Variants in ZFHX3 observed in about 807,000 individuals in gnomAD.
ZFHX3 encodes the protein zinc finger homeobox 3.
Under a neutral mutation model 279.1 loss-of-function variants are expected in ZFHX3, and 42 were observed. The ratio of observed to expected loss-of-function variants is 0.15; its 90% CI spans 0.12 to 0.19. The LOEUF (loss-of-function observed/expected upper bound fraction) is 0.19. Among genes scored for constraint, ZFHX3 ranks in the 10% least tolerant of loss-of-function variants. ZFHX3 has a pLI of 1.00. For missense variants in ZFHX3, 4,981 were observed against 4,754.0 expected (o/e 1.05, Z -1.40); for synonymous variants, 2,293 against 1,957.8 (o/e 1.17, Z -4.52).
intron 3 of ZFHX3, among the ~76,000 whole-genome samples, chr16:72,933,186 C>T (rs1210906288): frequency 2.0e-5 from 3 of 152,154 alleles, no homozygotes; most frequent in East Asian, 3.8e-4. Flanking sequence ...TGGCCTCTCC[C>T]GCAGTAGCTT....
intron 3 of ZFHX3, among the ~76,000 whole-genome samples, chr16:73,324,102 G>T (rs2015632777): frequency 1.3e-5 from 2 of 152,226 alleles, no homozygotes; most frequent in South Asian, 4.1e-4. Flanking sequence ...TTTGAGCTGG[G>T]CATGTAGCCA....
At chr16:73,449,263 T>G (rs2018243465) in intron 3 of ZFHX3, among the ~76,000 whole-genome samples, 1 of 152,244 alleles carries the variant, frequency 6.6e-6, no homozygotes, top group African/African-American at 2.4e-5. Context: ...TTATTTTTAT[T>G]TTATTTTCTA....
At chr16:73,220,727 G>A (rs1466175455) in intron 5 of ZFHX3, among the ~76,000 whole-genome samples, 5 of 152,050 alleles carry the variant, frequency 3.3e-5, no homozygotes. Flanking sequence ...AGGGTCTGTG[G>A]GGCTGTGTTC....
At chr16:73,499,329 G>A (rs2019195691) in intron 2 of ZFHX3, 1 of 152,210 alleles carries the variant, frequency 6.6e-6, no homozygotes, top group Admixed American at 6.5e-5. Flanking sequence ...TCCGCGTGAT[G>A]GGGACGTGAG....
intron 7 of ZFHX3, among the ~76,000 whole-genome samples, chr16:72,803,272 C>CA: frequency 6.6e-6 from 1 of 152,246 alleles, no homozygotes; most frequent in Admixed American, 6.5e-5. Flanking sequence ...GCAGAGGTTG[C>CA]AGTGAGCTGA....
At chr16:73,686,543 TAAGGAA>T (rs1340679100) in intron 1 of ZFHX3, among the ~76,000 whole-genome samples, 2 of 152,226 alleles carry the variant, frequency 1.3e-5, no homozygotes, top group Non-Finnish European at 2.9e-5. Context: ...CTCTGAATGT[TAAGGAA>T]ACTCATGCTC....
intron 3 of ZFHX3, among the ~76,000 whole-genome samples, chr16:73,433,764 C>T (rs1009583826): frequency 6.6e-6 from 1 of 152,198 alleles, no homozygotes; most frequent in South Asian, 2.1e-4. Context: ...GGGGAGTGAG[C>T]CTGCAGCGGC....
At chr16:72,926,481 CCCTTGTGGAAGTTACCAGT>C (rs901613883) in intron 3 of ZFHX3, among the ~76,000 whole-genome samples, 4 of 152,156 alleles carry the variant, frequency 2.6e-5, no homozygotes, top group Non-Finnish European at 5.9e-5. Context: ...CATATTCGGG[CCCTTGTGGAAGTTACCAGT>C]CCTTTCTCAA....
At chr16:73,065,976 GT>G (rs1965746541) in intron 8 of ZFHX3, among the ~76,000 whole-genome samples, 1 of 152,230 alleles carries the variant, frequency 6.6e-6, no homozygotes, top group Admixed American at 6.5e-5. Context: ...GTTAAGGCTG[GT>G]GAGTGCAGGG....
At chr16:73,431,886 T>TG (rs1339961742) in intron 3 of ZFHX3, among the ~76,000 whole-genome samples, 6 of 152,152 alleles carry the variant, frequency 3.9e-5, no homozygotes, top group African/African-American at 1.4e-4. Context: ...TCTCTGTGTC[T>TG]GGAGAAGCAA....
At chr16:73,392,865 C>T (rs11643180) in intron 3 of ZFHX3, among the ~76,000 whole-genome samples, 87,464 of 151,870 alleles carry the variant, frequency 0.58, 26,338 homozygotes, top group Non-Finnish European at 0.68. Context: ...GAGACAGTCT[C>T]ACTCTGTTGC....
chr16:72,882,982 GTGTGTGTGTGTGTGTGTGTGTGT>G (rs2038526722), intron 4 of ZFHX3, among the ~76,000 whole-genome samples: 48 of 20,816 alleles, frequency 2.3e-3, no homozygotes, highest in African/African-American at 4.2e-3. Flanking sequence ...TCTGGGGTGT[GTGTGTGTGTGTGTGTGTGTGTGT>G]GTGTGTGTGT....
chr16:73,777,508 CAAAAAAAAAAA>C (rs34744186), intron 1 of ZFHX3, among the ~76,000 whole-genome samples: 4 of 62,652 alleles, frequency 6.4e-5, no homozygotes, highest in East Asian at 6.4e-4. Flanking sequence ...GACTCTGTCT[CAAAAAAAAAAA>C]AAAAAAAAAA....
At chr16:73,446,592 C>T (rs1567486965) in intron 3 of ZFHX3, among the ~76,000 whole-genome samples, 1 of 152,134 alleles carries the variant, frequency 6.6e-6, no homozygotes, top group African/African-American at 2.4e-5. Context: ...AATACAGAGC[C>T]AGACCATATC....
At chr16:73,374,579 A>T (rs2016689784) in intron 3 of ZFHX3, among the ~76,000 whole-genome samples, 1 of 152,260 alleles carries the variant, frequency 6.6e-6, no homozygotes, top group Non-Finnish European at 1.5e-5. Context: ...TCGAACATCC[A>T]GGCAATATTC....
chr16:73,695,248 T>TTC (rs1015857448), intron 1 of ZFHX3, among the ~76,000 whole-genome samples: 2 of 151,372 alleles, frequency 1.3e-5, no homozygotes, highest in East Asian at 3.9e-4. Flanking sequence ...TTTTGTTTTT[T>TTC]TTTTTTGAGA....
chr16:73,260,252 G>C (rs1210200992), intron 4 of ZFHX3, among the ~76,000 whole-genome samples: 1 of 152,108 alleles, frequency 6.6e-6, no homozygotes, highest in Non-Finnish European at 1.5e-5. Context: ...ATGTCAGTTT[G>C]TCCCAATACT....
chr16:73,406,556 C>T (rs1018605607), intron 3 of ZFHX3, among the ~76,000 whole-genome samples: 11 of 152,178 alleles, frequency 7.2e-5, no homozygotes, highest in Non-Finnish European at 1.2e-4. Context: ...CTCAACAATT[C>T]GTATGGAATG....
intron 2 of ZFHX3, among the ~76,000 whole-genome samples, chr16:73,473,868 A>T (rs72799493): frequency 0.25 from 38,508 of 151,908 alleles, 6,385 homozygotes; most frequent in Non-Finnish European, 0.37. Flanking sequence ...GTTTCTGAAG[A>T]TCGCAAGATA....
Sources: gnomAD v4.1 joint callset for allele counts (sites outside exome capture counted in the v4.1 genomes callset) on GRCh38, gnomAD v4.1.1 for gene constraint, MANE v1.5 for transcripts, NCBI Gene and HGNC (gene_info 2026-07-23, HGNC 2026-07-21) for gene names.